SGCZ: variants seen among roughly 807,000 people sequenced by gnomAD.
SGCZ encodes the protein zeta-sarcoglycan.
In SGCZ, 40 loss-of-function variants were observed where a neutral mutation model predicts 41.3. The observed-to-expected ratio is 0.97, with a 90% CI of 0.75 to 1.26. The LOEUF is 1.26. Ranked by LOEUF, SGCZ falls within the 50% of genes most tolerant of loss-of-function variation. The probability of loss-of-function intolerance (pLI) is 0.00; values close to 1 mark genes in which losing one functional copy is unlikely to be tolerated. For missense variants in SGCZ, 552 were observed against 369.8 expected, an observed-to-expected ratio of 1.49 and a Z score of -4.04; for synonymous variants, 206 against 137.5, an observed-to-expected ratio of 1.50 and a Z score of -3.49.
chr8:14,426,950 G>C (rs1176016279), intron 2 of SGCZ, among the ~76,000 whole-genome samples: 1 of 151,880 alleles, frequency 6.6e-6, no homozygotes, highest in Non-Finnish European at 1.5e-5. Context: ...TATTTTACTG[G>C]GCAGTCACTT....
intron 2 of SGCZ, among the ~76,000 whole-genome samples, chr8:14,545,807 G>A (rs1404067629): frequency 3.3e-5 from 5 of 151,968 alleles, no homozygotes; most frequent in Non-Finnish European, 7.4e-5. Context: ...TTATTCAACA[G>A]CTAATTTTCT....
At chr8:14,679,691 C>T (rs919526129) in intron 1 of SGCZ, among the ~76,000 whole-genome samples, 2 of 151,790 alleles carry the variant, frequency 1.3e-5, no homozygotes, top group Admixed American at 6.6e-5. Flanking sequence ...AAAATATTCT[C>T]ATAAATTTAG....
chr8:14,796,847 GGTGA>G (rs749124847), intron 1 of SGCZ, among the ~76,000 whole-genome samples: 35 of 152,126 alleles, frequency 2.3e-4, no homozygotes, highest in African/African-American at 8.0e-4. Flanking sequence ...CTCTCAAGAG[GGTGA>G]GTAAGTACCC....
At chr8:14,571,206 G>A (rs1804542438) in intron 1 of SGCZ, among the ~76,000 whole-genome samples, 1 of 152,178 alleles carries the variant, frequency 6.6e-6, no homozygotes, top group Non-Finnish European at 1.5e-5. Context: ...GCCACTTACA[G>A]AAAGAGCAGA....
At chr8:14,984,989 T>C (rs1281606684) in intron 1 of SGCZ, among the ~76,000 whole-genome samples, 1 of 152,166 alleles carries the variant, frequency 6.6e-6, no homozygotes, top group Non-Finnish European at 1.5e-5. Flanking sequence ...ATAATCCTTG[T>C]TTTTCTTTAA....
At chr8:15,127,728 A>G (rs1332930180) in intron 1 of SGCZ, among the ~76,000 whole-genome samples, 2 of 152,206 alleles carry the variant, frequency 1.3e-5, no homozygotes, top group African/African-American at 2.4e-5. Flanking sequence ...CCTCTTGCAT[A>G]TAGATTATAC....
At chr8:14,751,543 A>G (rs907989958) in intron 1 of SGCZ, among the ~76,000 whole-genome samples, 2 of 152,204 alleles carry the variant, frequency 1.3e-5, no homozygotes, top group Admixed American at 6.5e-5. Flanking sequence ...TACACATCAT[A>G]TGTATTAGGA....
At chr8:14,680,588 A>G (rs1248274525) in intron 1 of SGCZ, among the ~76,000 whole-genome samples, 1 of 152,122 alleles carries the variant, frequency 6.6e-6, no homozygotes, top group African/African-American at 2.4e-5. Context: ...GTGAAAAAAT[A>G]CATTAAAAAG....
chr8:14,177,667 G>A (rs1200264515), intron 4 of SGCZ, among the ~76,000 whole-genome samples: 26 of 142,662 alleles, frequency 1.8e-4, no homozygotes, highest in African/African-American at 2.9e-4. Context: ...CCGCCACCAC[G>A]CCCTGCTATT....
At chr8:14,892,081 T>A (rs746124435) in intron 1 of SGCZ, among the ~76,000 whole-genome samples, 1 of 152,214 alleles carries the variant, frequency 6.6e-6, no homozygotes, top group African/African-American at 2.4e-5. Context: ...ATCTAAGATA[T>A]GCTTATATTT....
At chr8:14,633,908 T>C (rs998842143) in intron 1 of SGCZ, among the ~76,000 whole-genome samples, 10 of 151,860 alleles carry the variant, frequency 6.6e-5, no homozygotes, top group African/African-American at 1.7e-4. Context: ...AAAAGTTTCT[T>C]AATTTTTAGT....
intron 1 of SGCZ, among the ~76,000 whole-genome samples, chr8:15,046,264 C>T (rs190943783): frequency 2.0e-5 from 3 of 152,114 alleles, no homozygotes; most frequent in African/African-American, 7.2e-5. Flanking sequence ...CGAGTAAGTG[C>T]TAGATAAACA....
At chr8:14,593,095 A>G (rs1205651780) in intron 1 of SGCZ, among the ~76,000 whole-genome samples, 3 of 152,228 alleles carry the variant, frequency 2.0e-5, no homozygotes, top group Admixed American at 2.0e-4. Flanking sequence ...CCTCACCCCC[A>G]AAGATGTCCA....
At chr8:14,549,309 G>C (rs1194409158) in intron 2 of SGCZ, among the ~76,000 whole-genome samples, 1 of 151,968 alleles carries the variant, frequency 6.6e-6, no homozygotes, top group Non-Finnish European at 1.5e-5. Context: ...AAATTATGCT[G>C]TTTTTCCTCC....
intron 7 of SGCZ, among the ~76,000 whole-genome samples, chr8:14,096,314 G>T (rs992856442): frequency 2.0e-5 from 3 of 152,118 alleles, no homozygotes; most frequent in African/African-American, 7.2e-5. Context: ...TAGCATGAAG[G>T]GGTGTTGAAT....
At chr8:14,314,294 T>C (rs1188381707) in intron 3 of SGCZ, among the ~76,000 whole-genome samples, 1 of 152,012 alleles carries the variant, frequency 6.6e-6, no homozygotes. Context: ...TTATTTTTTT[T>C]CCCCACTCTT....
At chr8:14,418,304 G>C (rs973613471) in intron 2 of SGCZ, among the ~76,000 whole-genome samples, 1 of 151,946 alleles carries the variant, frequency 6.6e-6, no homozygotes, top group East Asian at 1.9e-4. Context: ...CAAATGTGAA[G>C]AGTAGAAAAT....
At chr8:14,728,416 A>G (rs1720563441) in intron 1 of SGCZ, among the ~76,000 whole-genome samples, 1 of 151,918 alleles carries the variant, frequency 6.6e-6, no homozygotes, top group Non-Finnish European at 1.5e-5. Context: ...GCCAAAATTA[A>G]TGCAGTAAAA....
chr8:14,838,040 C>T (rs1019075598), intron 1 of SGCZ, among the ~76,000 whole-genome samples: 2 of 152,078 alleles, frequency 1.3e-5, no homozygotes, highest in South Asian at 2.1e-4. Flanking sequence ...TCATTTGCCA[C>T]GACGTGGACA....
Sources: gnomAD v4.1 joint callset for allele counts (sites outside exome capture counted in the v4.1 genomes callset) on GRCh38, gnomAD v4.1.1 for gene constraint, MANE v1.5 for transcripts, NCBI Gene and HGNC (gene_info 2026-07-23, HGNC 2026-07-21) for gene names.